Variants in PDE4D observed in about 807,000 individuals in gnomAD.
PDE4D encodes phosphodiesterase 4D, also known as 3',5'-cyclic-AMP phosphodiesterase 4D.
PDE4D carries 24 observed loss-of-function variants against 87.4 expected under a neutral mutation model. The ratio of observed to expected loss-of-function variants is 0.27; its 90% CI spans 0.20 to 0.39. PDE4D has a LOEUF of 0.39. PDE4D is among the 10% of genes least tolerant of loss of function. The pLI, the probability that PDE4D is intolerant of heterozygous loss-of-function variation, is 1.00. For synonymous variants in PDE4D, 384 were observed against 383.2 expected (o/e 1.00, Z -0.02); for missense variants, 714 against 1,041.0 (o/e 0.69, Z 4.32).
intron 1 of PDE4D, among the ~76,000 whole-genome samples, chr5:59,490,573 A>G (rs1257328977): frequency 1.3e-5 from 2 of 152,228 alleles, no homozygotes; most frequent in African/African-American, 4.8e-5. Context: ...CATACACATA[A>G]TGTAAACCAC....
At chr5:59,452,472 C>T (rs923826970) in intron 1 of PDE4D, among the ~76,000 whole-genome samples, 2 of 152,090 alleles carry the variant, frequency 1.3e-5, no homozygotes, top group Non-Finnish European at 2.9e-5. Flanking sequence ...AACTACCGCC[C>T]CTGGACTAGA....
rs1459403740 is a variant in PDE4D, at chr5:59,039,214, G to T, written c.809-243C>A. On this transcript the variant is annotated intron_variant, in intron 5 of 14. Transcript: ENST00000340635. ...TTGGCGTCTCGGGTCGGCCTCCAGG[G>T]AGGGCGTGCAAAGAGCGGCGAGCCA... The T allele has an allele frequency of 5.4e-6, 7 of 1,292,718 alleles. No individual in the cohort carries two copies. In the African/African-American group the frequency reaches 1.1e-4, roughly 20 times the overall value. The allele number at this position is 1,292,718 out of a possible 1,614,324, so 80.1% of individuals were successfully genotyped here.
chr5:59,783,225 T>C (rs1175909308), intron 1 of PDE4D, among the ~76,000 whole-genome samples: 2 of 152,214 alleles, frequency 1.3e-5, no homozygotes, highest in Non-Finnish European at 2.9e-5. Context: ...CGGAGAATTT[T>C]ATAAATTTCA....
At chr5:58,987,635 G>C (rs1580117227) in intron 11 of PDE4D, among the ~76,000 whole-genome samples, 1 of 50,778 alleles carries the variant, frequency 2.0e-5, no homozygotes, top group Non-Finnish European at 4.9e-5. Context: ...ATAGCCTCAA[G>C]CAAAAATGAA....
At chr5:59,435,041 CAG>C (rs1243992787) in intron 1 of PDE4D, among the ~76,000 whole-genome samples, 1 of 152,012 alleles carries the variant, frequency 6.6e-6, no homozygotes, top group Non-Finnish European at 1.5e-5. Flanking sequence ...GTGGTGGAGT[CAG>C]AGTTAGGAAC....
At chr5:60,285,775 A>C (rs1235771376) in intron 1 of PDE4D, among the ~76,000 whole-genome samples, 2 of 152,220 alleles carry the variant, frequency 1.3e-5, no homozygotes, top group African/African-American at 4.8e-5. Context: ...TCAAATATGG[A>C]TTGCAATAAA....
chr5:59,508,406 A>G (rs568314087), intron 1 of PDE4D, among the ~76,000 whole-genome samples: 1 of 152,324 alleles, frequency 6.6e-6, no homozygotes, highest in South Asian at 2.1e-4. Flanking sequence ...AAAGTTGAAC[A>G]TTTCATTTAA....
intron 1 of PDE4D, among the ~76,000 whole-genome samples, chr5:59,604,336 C>A (rs1192563737): frequency 1.3e-5 from 2 of 152,018 alleles, no homozygotes; most frequent in Non-Finnish European, 2.9e-5. Flanking sequence ...CATGCAAGTA[C>A]TCAATGCATA....
At chr5:59,789,462 A>G (rs1765539154) in intron 1 of PDE4D, among the ~76,000 whole-genome samples, 1 of 152,236 alleles carries the variant, frequency 6.6e-6, no homozygotes, top group African/African-American at 2.4e-5. Flanking sequence ...CGTGATGTCT[A>G]CATTCCTTCC....
chr5:59,758,312 A>G (rs1761536799), intron 1 of PDE4D, among the ~76,000 whole-genome samples: 1 of 152,212 alleles, frequency 6.6e-6, no homozygotes, highest in African/African-American at 2.4e-5. Flanking sequence ...TACCTGACAC[A>G]TGGCAGGAGC....
At chr5:59,244,451 C>CAT (rs10556090) in intron 1 of PDE4D, among the ~76,000 whole-genome samples, 32 of 149,042 alleles carry the variant, frequency 2.1e-4, no homozygotes, top group East Asian at 3.9e-4. Context: ...TATACACACA[C>CAT]ATATATATAT....
At chr5:59,668,009 G>A (rs1746360556) in intron 1 of PDE4D, among the ~76,000 whole-genome samples, 1 of 152,206 alleles carries the variant, frequency 6.6e-6, no homozygotes, top group South Asian at 2.1e-4. Context: ...TTATACTTCT[G>A]TGGAAATCCT....
intron 1 of PDE4D, among the ~76,000 whole-genome samples, chr5:60,265,227 C>G (rs909205081): frequency 2.6e-5 from 4 of 152,186 alleles, no homozygotes; most frequent in African/African-American, 4.8e-5. Flanking sequence ...CAATGCACCC[C>G]ACACAGGCCA....
chr5:59,160,931 A>T (rs942042147), intron 5 of PDE4D, among the ~76,000 whole-genome samples: 2 of 152,124 alleles, frequency 1.3e-5, no homozygotes, highest in East Asian at 1.9e-4. Flanking sequence ...CCCTGTCTCT[A>T]CTAAAAATGC....
chr5:59,705,648 G>C (rs569135960), intron 1 of PDE4D, among the ~76,000 whole-genome samples: 1 of 152,232 alleles, frequency 6.6e-6, no homozygotes, highest in Non-Finnish European at 1.5e-5. Context: ...GACCTTTCCT[G>C]CTAATGTGCC....
At chr5:60,021,730 C>T (rs1252771399) in intron 2 of PDE4D, 1 of 152,144 alleles carries the variant, frequency 6.6e-6, no homozygotes. Flanking sequence ...GGTATTGATA[C>T]TTCTGTAAAT....
intron 5 of PDE4D, among the ~76,000 whole-genome samples, chr5:59,099,893 A>G (rs926117631): frequency 3.3e-5 from 5 of 152,142 alleles, no homozygotes; most frequent in African/African-American, 1.2e-4. Context: ...GAACTTCTAT[A>G]ATGCATATGC....
intron 5 of PDE4D, among the ~76,000 whole-genome samples, chr5:59,136,248 T>G (rs576332796): frequency 6.6e-6 from 1 of 152,180 alleles, no homozygotes; most frequent in Non-Finnish European, 1.5e-5. Context: ...GGAAAATATG[T>G]TTTTTGTGAA....
rs1759913424 is a variant in PDE4D, at chr5:59,251,403, A to C, written c.456-35435T>G. Among the ~76,000 whole-genome samples, 4 of 152,310 alleles carry C rather than the reference A, an allele frequency of 2.6e-5. No homozygotes were observed. In the South Asian group the frequency reaches 8.3e-4, roughly 32 times the overall value. On this transcript the variant is annotated intron_variant, in intron 1 of 14. Coordinates refer to ENST00000340635, the MANE Select transcript of PDE4D (RefSeq NM_001104631.2). ...AGACACTTTTCAAAAGAAGACATAC[A>C]TGCGGCCAACAAGCATATGAAAAAA... is the stretch of plus-strand genomic sequence containing the variant.
Sources: gnomAD v4.1 joint callset for allele counts (sites outside exome capture counted in the v4.1 genomes callset) on GRCh38, gnomAD v4.1.1 for gene constraint, MANE v1.5 for transcripts, NCBI Gene and HGNC (gene_info 2026-07-23, HGNC 2026-07-21) for gene names.